The following MBD3 variants were observed in gnomAD, a reference collection of about 807,000 sequenced individuals.
MBD3 encodes the protein methyl-CpG-binding domain protein 3.
Under a neutral mutation model 31.2 loss-of-function variants are expected in MBD3, and 13 were observed. That is an observed-to-expected ratio of 0.42 (90% CI 0.27 to 0.66). MBD3 has a LOEUF of 0.66. Among genes scored for constraint, MBD3 ranks in the 30% least tolerant of loss-of-function variants. The pLI is 0.26. For missense variants in MBD3, 440 were observed against 426.5 expected (o/e 1.03, Z -0.28); for synonymous variants, 223 against 187.4 (o/e 1.19, Z -1.55).
At chr19:1,580,518 G>A (rs1272991340) in intron 5 of MBD3, among the ~76,000 whole-genome samples, 1 of 152,202 alleles carries the variant, frequency 6.6e-6, no homozygotes, top group East Asian at 1.9e-4. Flanking sequence ...GAAAGGTCCC[G>A]TCTTCGCTCC....
At chr19:1,584,862 G>A (rs2060670613) in intron 2 of MBD3, 185 bp from the exon 3 acceptor site, 3 of 986,642 alleles carry the variant, frequency 3.0e-6, no homozygotes, top group African/African-American at 1.7e-5. Context: ...TGGAACGCCC[G>A]CCGCGGGCCG....
At chr19:1,579,325 G>A (rs894640181) in intron 5 of MBD3, among the ~76,000 whole-genome samples, 2 of 151,686 alleles carry the variant, frequency 1.3e-5, no homozygotes, top group East Asian at 1.9e-4. Flanking sequence ...ACCATGGCTC[G>A]GGCGGCCTGA....
chr19:1,590,758 G>A (rs561420693), intron 1 of MBD3, among the ~76,000 whole-genome samples: 1 of 152,290 alleles, frequency 6.6e-6, no homozygotes, highest in East Asian at 1.9e-4. Context: ...CACACGTATA[G>A]AAAAAAGTGG....
At chr19:1,586,388 AGT>A (rs2060679358) in intron 1 of MBD3, 1 of 152,324 alleles carries the variant, frequency 6.6e-6, no homozygotes, top group African/African-American at 2.4e-5. Flanking sequence ...AAGGCCACAC[AGT>A]GTGTGATCCC....
intron 5 of MBD3, among the ~76,000 whole-genome samples, chr19:1,579,181 CAAAAAAAAAAAAAA>C (rs57070800): frequency 4.7e-5 from 1 of 21,496 alleles, no homozygotes; most frequent in Non-Finnish European, 7.9e-5. Flanking sequence ...CAGATTCTGC[CAAAAAAAAAAAAAA>C]AAAAAAAAAA....
intron 5 of MBD3, among the ~76,000 whole-genome samples, chr19:1,579,843 C>T (rs762182393): frequency 2.0e-5 from 3 of 152,180 alleles, no homozygotes; most frequent in African/African-American, 4.8e-5. Flanking sequence ...ATCTCAACTC[C>T]GCCTCCCAGG....
rs574829495 is a variant in MBD3, at chr19:1,591,931, A to AG, written c.110+590dup. On this transcript the variant is annotated intron_variant, in intron 1 of 6. Coordinates refer to ENST00000434436, the MANE Select transcript of MBD3 (RefSeq NM_001281453.2). ...TCGAAAGCCTCAGGTCTCCACCCTG[A>AG]GGGGGCCACGACCCAAGAGGACCAG... The AG allele has an allele frequency of 1.3e-3, 202 of 152,246 alleles. 1 individual carries two copies. Among genetic ancestry groups the AG allele is most frequent in the African/African-American group, 4.5e-3 (189 of 41,540 alleles). The allele number at this position is 152,246 out of a possible 1,614,324, so 9.4% of individuals were successfully genotyped here. A position where few individuals can be genotyped will look rare whatever the true frequency, so the allele number is the denominator to read the frequency against.
At position 1,581,265 on chromosome 19, in the gene MBD3, C is replaced by A; in HGVS notation, c.504G>T (p.Val168=). ...GCGTCTCATCCGTGCAGCCAGGTCC[C>A]ACCCCTGCCAGGCAGTGGACAAACA... ...TMDLPKGLQG[V]GPGCTDETLL... The change falls in exon 5 of 7, where the codon GTG becomes GTT. Residue 168 remains valine (V), a synonymous_variant. Transcript: ENST00000434436. 1.2e-6 allele frequency: 2 copies of A among 1,607,092 alleles called. No individual in the cohort carries two copies. The highest frequency in any genetic ancestry group is 1.3e-5 in the African/African-American group (1 of 75,060).
Position 1,582,732 on chromosome 19 carries a change from G to T in MBD3, c.409-20C>A, listed in dbSNP as rs144681868. On this transcript the variant is annotated intron_variant, in intron 3 of 6. Coordinates refer to ENST00000434436, the MANE Select transcript of MBD3 (RefSeq NM_001281453.2). ...GAAGAGCTGCCCCAGACACATATGT[G>T]AACCTCAAGAGTGGCCCTGCCCTCT... is the stretch of plus-strand genomic sequence containing the variant. 1,781 of 1,606,436 alleles carry T rather than the reference G, an allele frequency of 1.1e-3. 8 individuals are homozygous for T. In the African/African-American group the frequency reaches 0.012, roughly 10 times the overall value.
chr19:1,592,721 T>TGCCGCC lies in MBD3; in HGVS notation c.-96_-91dup, dbSNP rs961360814. On this transcript the variant is annotated 5_prime_UTR_variant, in exon 1 of 7. Coordinates refer to ENST00000434436, the MANE Select transcript of MBD3 (RefSeq NM_001281453.2). The stretch of plus-strand genomic sequence containing the variant: ...CCGCCTCAGCTGCCTCCGCTGCCGC[T>TGCCGCC]GCCGCCGCCGCCACTTGCCGCGGCT... The TGCCGCC allele has an allele frequency of 5.6e-5, 17 of 305,794 alleles. No individual in the cohort carries two copies. In the East Asian group the frequency reaches 8.3e-4, roughly 15 times the overall value. The allele number at this position is 305,794 out of a possible 1,614,324, so 18.9% of individuals were successfully genotyped here.
chr19:1,581,385 C>T, intron 4 of MBD3, 116 bp from the exon 5 acceptor site: 1 of 1,058,888 alleles, frequency 9.4e-7, no homozygotes, highest in Non-Finnish European at 1.4e-6. Flanking sequence ...TGGAAGGAAC[C>T]CCAACTTGGG....
rs1917258778 is a variant in MBD3 at position 1,578,295 on chromosome 19, C to T, written c.*5+40G>A. 6.3e-7 allele frequency: 1 copy of T among 1,599,158 alleles called. No homozygotes were observed. The highest frequency in any genetic ancestry group is 8.5e-7 in the Non-Finnish European group (1 of 1,179,506). Reference sequence around the variant, plus strand: ...GTGTTCACCAGGCAGTCCCCACTGCCAGGACCCGACTCCAGGGAGCCCCCG... The same window carrying T: ...GTGTTCACCAGGCAGTCCCCACTGCTAGGACCCGACTCCAGGGAGCCCCCG... On this transcript the variant is annotated intron_variant, in intron 6 of 6. Transcript: ENST00000434436. The surrounding 1 kb of genome is among the most constrained non-coding windows in gnomAD (Gnocchi z 6.1).
At chr19:1,584,883 A>ATGCGCCTTGCGCTCTGCACCCTGTGGCC in intron 2 of MBD3, 172 bp downstream of exon 2, 1 of 1,103,728 alleles carries the variant, frequency 9.1e-7, no homozygotes, top group East Asian at 2.8e-5. Context: ...CGTCCTCGCC[A>ATGCGCCTTGCGCTCTGCACCCTGTGGCC]TGCGCCTTGC....
chr19:1,578,080 G>C lies in MBD3; in HGVS notation c.*84C>G. 1 of 590,088 alleles carries C rather than the reference G, an allele frequency of 1.7e-6. No individual in the cohort carries two copies. Among genetic ancestry groups the C allele is most frequent in the East Asian group, 2.9e-5 (1 of 34,434 alleles). 36.6% of individuals were successfully genotyped at this position (590,088 alleles called of 1,614,324 possible). On this transcript the variant is annotated 3_prime_UTR_variant, in exon 7 of 7. Coordinates refer to ENST00000434436, the MANE Select transcript of MBD3 (RefSeq NM_001281453.2). This position sits in a 1 kb window ranked among gnomAD's most constrained non-coding sequence, Gnocchi z 6.1. ...GGTGTCTCCAAGGCTGGGCTTCGCC[G>C]CCGAGCCTGGTTCACGTGGGGCCGA... is the stretch of plus-strand genomic sequence containing the variant.
chr19:1,583,076 C>T (rs1025305200), intron 3 of MBD3, among the ~76,000 whole-genome samples: 9 of 151,918 alleles, frequency 5.9e-5, no homozygotes, highest in African/African-American at 1.2e-4. Flanking sequence ...TGGTGACGGG[C>T]GCCTGTAATC....
In MBD3 at chr19:1,581,238, C is replaced by T. The variant is rs1439171770; in HGVS notation, c.531G>A (p.Leu177=). Reference sequence around the variant, plus strand: ...GCAGGGCGCTGGCGATGGCCGACAGCAGCGTCTCATCCGTGCAGCCAGGTC... The same window carrying T: ...GCAGGGCGCTGGCGATGGCCGACAGTAGCGTCTCATCCGTGCAGCCAGGTC... ...GVGPGCTDET[L]LSAIASALHT... The change falls in exon 5 of 7, where the codon CTG becomes CTA. Residue 177 remains leucine (L), a synonymous_variant. Transcript: ENST00000434436. 1.2e-6 allele frequency: 2 copies of T among 1,611,568 alleles called. No homozygotes were observed. The highest frequency in any genetic ancestry group is 1.1e-5 in the South Asian group (1 of 91,078).
At position 1,579,905 on chromosome 19, in the gene MBD3, G is replaced by A. The variant is rs575881037; in HGVS notation, c.677+1187C>T. Reference sequence around the variant, plus strand: ...CCCGAGTACCTGGGACTACAGGCATGTGCCAAAACACCCAGCTAATTATTT... The same window carrying A: ...CCCGAGTACCTGGGACTACAGGCATATGCCAAAACACCCAGCTAATTATTT... On this transcript the variant is annotated intron_variant, in intron 5 of 6. Coordinates refer to ENST00000434436, the MANE Select transcript of MBD3 (RefSeq NM_001281453.2). Among the ~76,000 whole-genome samples the A allele has an allele frequency of 5.1e-4, 78 of 152,292 alleles. No individual in the cohort carries two copies. In the Middle Eastern group the frequency reaches 0.017, roughly 33 times the overall value.
chr19:1,582,512 G>A, intron 4 of MBD3, 110 bp downstream of exon 4: 1 of 1,055,702 alleles, frequency 9.5e-7, no homozygotes, highest in East Asian at 2.6e-5. Context: ...TTTGCCCTAA[G>A]CACCCAAAGC....
chr19:1,586,155 A>T (rs530710939), intron 1 of MBD3: 1 of 152,338 alleles, frequency 6.6e-6, no homozygotes, highest in Non-Finnish European at 1.5e-5. Context: ...ACTCTTAGGT[A>T]TCTGCCCGAA....
Sources: allele counts gnomAD v4.1 joint callset (sites outside exome capture counted in the v4.1 genomes callset), GRCh38; gene constraint gnomAD v4.1.1; non-coding constraint Gnocchi (gnomAD v3.1); transcripts MANE v1.5; gene names NCBI Gene and HGNC (gene_info 2026-07-23, HGNC 2026-07-21).